SH3BP5: variants seen among roughly 807,000 people sequenced by gnomAD.
SH3BP5 encodes SH3 domain-binding protein 5.
SH3BP5 carries 22 observed loss-of-function variants against 43.3 expected under a neutral mutation model. That is an observed-to-expected ratio of 0.51 (90% CI 0.36 to 0.73). The LOEUF (loss-of-function observed/expected upper bound fraction) is 0.73, where lower values mean the gene tolerates loss of function less well. Among genes scored for constraint, SH3BP5 ranks in the 30% least tolerant of loss-of-function variants. SH3BP5 has a pLI of 0.00. For synonymous variants in SH3BP5, 255 were observed against 225.8 expected, an observed-to-expected ratio of 1.13 and a Z score of -1.16; for missense variants, 529 against 586.9, an observed-to-expected ratio of 0.90 and a Z score of 1.02.
In SH3BP5 at chr3:15,332,574, C is replaced by T; in HGVS notation, c.-166G>A. ...TCGCCGATGCGGATACCTCCGGCCG[C>T]GGCGGAGCAGAGGAAATGGGCGCGG... On this transcript the variant is annotated 5_prime_UTR_variant, in exon 1 of 9. Transcript: ENST00000383791. 8.2e-7 allele frequency: 1 copy of T among 1,222,772 alleles called. No homozygotes were observed. The highest frequency in any genetic ancestry group is 1.0e-6 in the Non-Finnish European group (1 of 983,274). The allele number at this position is 1,222,772 out of a possible 1,614,324, so 75.7% of individuals were successfully genotyped here. A position where few individuals can be genotyped will look rare whatever the true frequency, so the allele number is the denominator to read the frequency against.
chr3:15,314,779 A>G (rs934849839), intron 2 of SH3BP5, among the ~76,000 whole-genome samples: 1 of 152,210 alleles, frequency 6.6e-6, no homozygotes, highest in African/African-American at 2.4e-5. Flanking sequence ...GGAGAACTTC[A>G]AGATCACTGC....
rs767161789 is a variant in SH3BP5 at position 15,332,310 on chromosome 3, C to T, written c.99G>A (p.Gln33=). The change falls in exon 1 of 9, where the codon CAG becomes CAA. Residue 33 remains glutamine, a synonymous_variant. Transcript: ENST00000383791. ...CCACCTCTTCTTCCTCCTCCAGCCC[C>T]TGCTCCATCCCCTCTTCCTCCTCCT... The part of the protein sequence containing the change: ...EEEEEEEGME[Q]GLEEEEEVDP... The T allele has an allele frequency of 2.6e-6, 4 of 1,547,676 alleles. No homozygotes were observed. The highest frequency in any genetic ancestry group is 2.6e-6 in the Non-Finnish European group (3 of 1,149,180).
At chr3:15,264,928 T>C (rs1696579127) in intron 4 of SH3BP5, among the ~76,000 whole-genome samples, 1 of 152,080 alleles carries the variant, frequency 6.6e-6, no homozygotes, top group South Asian at 2.1e-4. Flanking sequence ...TCAGAATGCA[T>C]TTTCAACAGA....
rs746766605 is a variant in SH3BP5, at chr3:15,256,998, A to G, written c.1005T>C (p.Pro335=). 6 of 1,614,232 alleles carry G rather than the reference A, an allele frequency of 3.7e-6. No individual in the cohort carries two copies. The highest frequency in any genetic ancestry group is 4.2e-6 in the Non-Finnish European group (5 of 1,180,036). The change falls in exon 8 of 9, where the codon CCT becomes CCC. Residue 335 remains proline, a synonymous_variant. Coordinates refer to ENST00000383791, the MANE Select transcript of SH3BP5 (RefSeq NM_004844.5). ...SSGPTSPSEM[P]DQFPAVVRPG... is the part of the protein sequence containing the mutation. ...GCCTCACAACCGCAGGGAACTGGTC[A>G]GGCATCTCAGACGGGCTTGTTGGTC... is the stretch of plus-strand genomic sequence containing the variant.
chr3:15,273,301 C>T, intron 3 of SH3BP5: 12 of 985,408 alleles, frequency 1.2e-5, no homozygotes, highest in Non-Finnish European at 1.4e-5. Flanking sequence ...AGAAAAGATG[C>T]TCTTTTGACG....
intron 4 of SH3BP5, among the ~76,000 whole-genome samples, chr3:15,265,560 A>ACACACACACACACACACACACACACAC (rs71045145): frequency 2.4e-4 from 31 of 131,782 alleles, no homozygotes; most frequent in African/African-American, 5.8e-4. Flanking sequence ...ACACACACAC[A>ACACACACACACACACACACACACACAC]ACCCTCCAGC....
chr3:15,341,182 A>G (rs1188848231), intron 1 of SH3BP5: 1 of 152,356 alleles, frequency 6.6e-6, no homozygotes, highest in Non-Finnish European at 1.5e-5. Flanking sequence ...ACTTGTGCCC[A>G]CATCTCACAC....
chr3:15,270,096 T>C (rs747138828), intron 3 of SH3BP5, among the ~76,000 whole-genome samples: 3 of 152,202 alleles, frequency 2.0e-5, no homozygotes, highest in Non-Finnish European at 4.4e-5. Flanking sequence ...TCCACAGTTC[T>C]GGGCCCAATG....
At chr3:15,337,242 A>C, upstream of SH3BP5, among the ~76,000 whole-genome samples, 1 of 150,980 alleles carries the variant, frequency 6.6e-6, no homozygotes, top group Non-Finnish European at 1.5e-5. Context: ...CTGCCACCAC[A>C]CCCAGCTAAT....
intron 1 of SH3BP5, 197 bp downstream of exon 1, chr3:15,332,074 G>A (rs898867993): frequency 1.3e-5 from 11 of 839,768 alleles, no homozygotes; most frequent in South Asian, 3.5e-5. Flanking sequence ...GAGTCAGGCC[G>A]CATCCACGCG....
At chr3:15,301,285 G>A (rs1036475678) in intron 3 of SH3BP5, among the ~76,000 whole-genome samples, 4 of 152,116 alleles carry the variant, frequency 2.6e-5, no homozygotes, top group East Asian at 3.8e-4. Flanking sequence ...AAGGAGCAAC[G>A]GAGAGGAAAT....
intron 2 of SH3BP5, among the ~76,000 whole-genome samples, chr3:15,329,087 T>C (rs937177483): frequency 8.5e-5 from 13 of 152,114 alleles, no homozygotes; most frequent in Non-Finnish European, 1.3e-4. Context: ...GAGGTGGAAG[T>C]TGCAGTGAGC....
chr3:15,256,115 CA>C lies in SH3BP5; in HGVS notation c.1338del (p.Ile446MetfsTer4). ...LQCSKGRDGI[I>X]ADIKMVQIG is the part of the protein sequence containing the mutation. ...CCAATCTGCACCATTTTTATGTCAG[CA>C]ATAATTCCATCTCTTCCCTTTGAGC... On this transcript the variant is annotated frameshift_variant, in exon 9 of 9. Coordinates refer to ENST00000383791, the MANE Select transcript of SH3BP5 (RefSeq NM_004844.5). LOFTEE classifies it high-confidence loss of function. 7 of 1,614,168 alleles carry C rather than the reference CA, an allele frequency of 4.3e-6. No homozygotes were observed. Among genetic ancestry groups the C allele is most frequent in the Non-Finnish European group, 5.1e-6 (6 of 1,179,996 alleles).
At chr3:15,256,325 C>T (rs1418229895) in intron 8 of SH3BP5, 22 bp from the exon 9 acceptor site, 2 of 1,604,938 alleles carry the variant, frequency 1.2e-6, no homozygotes, top group Non-Finnish European at 1.7e-6. Flanking sequence ...CAAGGATTAT[C>T]AAAAGTGAGT....
intron 2 of SH3BP5, among the ~76,000 whole-genome samples, chr3:15,315,293 G>A (rs1446569019): frequency 6.6e-6 from 1 of 152,108 alleles, no homozygotes; most frequent in Non-Finnish European, 1.5e-5. Context: ...CAACCTTTCA[G>A]AAAATCCTCC....
chr3:15,273,371 G>A (rs1354742402), intron 3 of SH3BP5: 1 of 985,368 alleles, frequency 1.0e-6, no homozygotes, highest in Non-Finnish European at 1.2e-6. Context: ...CCTCTGCCAT[G>A]TATCTGATGA....
In SH3BP5 at chr3:15,330,426, A is replaced by G. The variant is rs1365129080; in HGVS notation, c.201+78T>C. The G allele has an allele frequency of 7.4e-6, 9 of 1,212,006 alleles. No homozygotes were observed. The East Asian group carries it at 1.9e-4, about 25-fold the overall frequency. 75.1% of individuals were successfully genotyped at this position (1,212,006 alleles called of 1,614,324 possible). ...GGGGTCCAGCAATAACACTCCAGCT[A>G]TGAAGACAAAATTAACCAGCCTTGT... On this transcript the variant is annotated intron_variant, in intron 2 of 8. Transcript: ENST00000383791.
At chr3:15,335,031 G>A (rs1698684407), upstream of SH3BP5, among the ~76,000 whole-genome samples, 2 of 151,974 alleles carry the variant, frequency 1.3e-5, no homozygotes, top group South Asian at 4.1e-4. Context: ...TCAGTCCTTT[G>A]GGAGGCCGAG....
chr3:15,291,653 T>C (rs1475006913), intron 3 of SH3BP5, among the ~76,000 whole-genome samples: 1 of 152,144 alleles, frequency 6.6e-6, no homozygotes, highest in Non-Finnish European at 1.5e-5. Context: ...TCCCACTTAG[T>C]GTAAAGGGTG....
Sources: gnomAD v4.1 joint callset for allele counts (sites outside exome capture counted in the v4.1 genomes callset) on GRCh38, gnomAD v4.1.1 for gene constraint, MANE v1.5 for transcripts, NCBI Gene and HGNC (gene_info 2026-07-23, HGNC 2026-07-21) for gene names.